CDC14A: variants seen among roughly 807,000 people sequenced by gnomAD.
CDC14A encodes the protein cell division cycle 14A.
A neutral mutation model predicts 74.4 loss-of-function variants in CDC14A; 53 were observed. That is an observed-to-expected ratio of 0.71 (90% CI 0.57 to 0.89). The LOEUF (loss-of-function observed/expected upper bound fraction) is 0.89, where lower values mean the gene tolerates loss of function less well. Among genes scored for constraint, CDC14A ranks in the 40% least tolerant of loss-of-function variants. The pLI is 0.00. For missense variants in CDC14A, 646 were observed against 713.7 expected (o/e 0.91, Z 1.08); for synonymous variants, 247 against 258.4 (o/e 0.96, Z 0.43).
chr1:100,401,761 G>T (rs1257351598), intron 4 of CDC14A, among the ~76,000 whole-genome samples: 1 of 152,088 alleles, frequency 6.6e-6, no homozygotes, highest in Non-Finnish European at 1.5e-5. Context: ...TCATGGGGCC[G>T]GCCACGGTGG....
chr1:100,353,293 C>T (rs1226290853), intron 1 of CDC14A, among the ~76,000 whole-genome samples: 2 of 152,242 alleles, frequency 1.3e-5, no homozygotes, highest in African/African-American at 4.8e-5. Context: ...GGAGCCTGCT[C>T]CGGATGCTCA....
chr1:100,484,904 C>G (rs1669874339), intron 11 of CDC14A: 1 of 977,638 alleles, frequency 1.0e-6, no homozygotes. Flanking sequence ...CTACTGTAAA[C>G]AAACCACGGT....
intron 7 of CDC14A, 85 bp from the exon 8 acceptor site, chr1:100,455,320 A>T: frequency 1.2e-6 from 1 of 846,080 alleles, no homozygotes; most frequent in Non-Finnish European, 1.9e-6. Flanking sequence ...CTAAGAGTGA[A>T]AAGCAGTTTT....
chr1:100,418,449 G>A (rs1377708821), intron 4 of CDC14A, among the ~76,000 whole-genome samples: 3 of 152,118 alleles, frequency 2.0e-5, no homozygotes, highest in Admixed American at 2.0e-4. Flanking sequence ...AGGAGTCCAG[G>A]CTAGCGGGTA....
At chr1:100,513,480 A>G (rs1166836125) in intron 15 of CDC14A, among the ~76,000 whole-genome samples, 2 of 152,168 alleles carry the variant, frequency 1.3e-5, no homozygotes, top group African/African-American at 4.8e-5. Flanking sequence ...AACATTTTGA[A>G]TCAGGATTTT....
intron 3 of CDC14A, 134 bp from the exon 4 acceptor site, chr1:100,390,598 A>G: frequency 1.6e-6 from 1 of 608,554 alleles, no homozygotes. Flanking sequence ...CAAATGCCAT[A>G]GAAATTAAAG....
intron 11 of CDC14A, chr1:100,484,708 C>T: frequency 9.3e-7 from 1 of 1,071,076 alleles, no homozygotes; most frequent in Non-Finnish European, 1.1e-6. Context: ...AGAAAGGAAA[C>T]AGAAAAGCAA....
intron 4 of CDC14A, among the ~76,000 whole-genome samples, chr1:100,414,955 G>A (rs1238025962): frequency 1.3e-5 from 2 of 152,064 alleles, no homozygotes; most frequent in Non-Finnish European, 2.9e-5. Flanking sequence ...CTAGTTTACT[G>A]TCACACAACC....
chr1:100,411,360 G>A (rs1660681795), intron 4 of CDC14A, among the ~76,000 whole-genome samples: 3 of 151,910 alleles, frequency 2.0e-5, no homozygotes, highest in Admixed American at 2.0e-4. Flanking sequence ...TTTTCCTACT[G>A]GTTCCATCTC....
intron 4 of CDC14A, among the ~76,000 whole-genome samples, chr1:100,403,312 A>T (rs896034300): frequency 6.6e-6 from 1 of 152,238 alleles, no homozygotes; most frequent in Non-Finnish European, 1.5e-5. Flanking sequence ...TATTTAAAAT[A>T]TGTCTTTACC....
At chr1:100,430,721 A>C (rs1185616597) in intron 5 of CDC14A, among the ~76,000 whole-genome samples, 3 of 152,212 alleles carry the variant, frequency 2.0e-5, no homozygotes, top group African/African-American at 7.2e-5. Context: ...TATTAGCTTA[A>C]ATATGATATT....
intron 10 of CDC14A, among the ~76,000 whole-genome samples, chr1:100,474,642 C>T (rs1298100083): frequency 1.3e-5 from 2 of 149,180 alleles, no homozygotes; most frequent in Non-Finnish European, 1.5e-5. Context: ...TTTATGTTTG[C>T]AGAGCCTGTA....
At chr1:100,350,493 G>C (rs1342504372), upstream of CDC14A, among the ~76,000 whole-genome samples, 1 of 152,226 alleles carries the variant, frequency 6.6e-6, no homozygotes, top group African/African-American at 2.4e-5. Context: ...TTAAGGACTT[G>C]TATTTGTTAG....
chr1:100,446,588 C>A (rs1457055623), intron 7 of CDC14A, among the ~76,000 whole-genome samples: 1 of 152,122 alleles, frequency 6.6e-6, no homozygotes, highest in Non-Finnish European at 1.5e-5. Flanking sequence ...TAGTAATATA[C>A]CTAAAATAGC....
chr1:100,360,833 G>A lies in CDC14A; in HGVS notation c.140+6981G>A, dbSNP rs1425566142. Among the ~76,000 whole-genome samples the A allele has an allele frequency of 2.6e-5, 4 of 152,178 alleles. No homozygotes were observed. The East Asian group carries it at 7.7e-4, about 29-fold the overall frequency. On this transcript the variant is annotated intron_variant, in intron 2 of 15. Transcript: ENST00000336454. ...GGCTGTGAAAACAAAAAATGTAGCCGAGGTGCTAAGGAGAGTTATCTTAAC... is the reference window on the plus strand; with the variant it reads ...GGCTGTGAAAACAAAAAATGTAGCCAAGGTGCTAAGGAGAGTTATCTTAAC...
chr1:100,362,536 T>C (rs1652901633), intron 2 of CDC14A, among the ~76,000 whole-genome samples: 1 of 152,226 alleles, frequency 6.6e-6, no homozygotes, highest in African/African-American at 2.4e-5. Context: ...TATTGAACAT[T>C]TTTCTCTCTT....
At position 100,518,706 on chromosome 1, in the gene CDC14A, G is replaced by C. The variant is rs1650434825; in HGVS notation, c.*426G>C. On this transcript the variant is annotated 3_prime_UTR_variant, in exon 16 of 16. Transcript: ENST00000336454. ...ATATTTTGATTTAGATTTTCCTGCT[G>C]TTTGCTACCAAAAATTTGTATTTTA... is the stretch of plus-strand genomic sequence containing the variant. 6.6e-6 allele frequency: 1 copy of C among 152,608 alleles called. No individual in the cohort carries two copies. Among genetic ancestry groups the C allele is most frequent in the Admixed American group, 6.5e-5 (1 of 15,280 alleles). The allele number at this position is 152,608 out of a possible 1,614,324, so 9.5% of individuals were successfully genotyped here.
At chr1:100,415,700 G>T (rs1374940434) in intron 4 of CDC14A, among the ~76,000 whole-genome samples, 1 of 152,204 alleles carries the variant, frequency 6.6e-6, no homozygotes, top group Non-Finnish European at 1.5e-5. Flanking sequence ...TAGCATGATA[G>T]ATTTAAAATA....
intron 10 of CDC14A, among the ~76,000 whole-genome samples, chr1:100,477,314 C>G (rs1668998925): frequency 1.3e-5 from 2 of 151,938 alleles, no homozygotes; most frequent in African/African-American, 4.8e-5. Context: ...TAGTGATGAA[C>G]ATGCATATTC....
Sources: allele counts gnomAD v4.1 joint callset (sites outside exome capture counted in the v4.1 genomes callset), GRCh38; gene constraint gnomAD v4.1.1; transcripts MANE v1.5; gene names NCBI Gene and HGNC (gene_info 2026-07-23, HGNC 2026-07-21).